The following SECTM1 variants were observed in gnomAD, a reference collection of about 807,000 sequenced individuals.
SECTM1 encodes the protein secreted and transmembrane protein 1.
Under a neutral mutation model 18.1 loss-of-function variants are expected in SECTM1, and 10 were observed. The ratio of observed to expected loss-of-function variants is 0.55; its 90% confidence interval spans 0.34 to 0.94. SECTM1 has a LOEUF of 0.94. Ranked by LOEUF, SECTM1 falls within the 40% of genes least tolerant of loss-of-function variation. SECTM1 has a pLI of 0.02. For missense variants in SECTM1, 297 were observed against 322.6 expected, an observed-to-expected ratio of 0.92 and a Z score of 0.61; for synonymous variants, 137 against 139.2, an observed-to-expected ratio of 0.98 and a Z score of 0.11.
intron 4 of SECTM1, 123 bp downstream of exon 4, chr17:82,322,755 C>T (rs1393558195): frequency 1.6e-5 from 20 of 1,229,614 alleles, no homozygotes; most frequent in East Asian, 2.5e-5. Flanking sequence ...TCTCTGGGAC[C>T]GGTGCTCCCC....
intron 1 of SECTM1, among the ~76,000 whole-genome samples, chr17:82,333,244 G>A (rs973020090): frequency 2.0e-5 from 3 of 152,240 alleles, no homozygotes; most frequent in African/African-American, 7.2e-5. Context: ...CGACGGCGCA[G>A]GGAACCCCGG....
chr17:82,327,047 G>T (rs2052152371), intron 2 of SECTM1, 100 bp downstream of exon 2: 2 of 856,192 alleles, frequency 2.3e-6, no homozygotes. Context: ...TCGGGGGTCT[G>T]GTGGCACCTG....
At chr17:82,327,727 C>T (rs2052158758) in intron 1 of SECTM1, among the ~76,000 whole-genome samples, 2 of 152,206 alleles carry the variant, frequency 1.3e-5, no homozygotes, top group South Asian at 2.1e-4. Context: ...ACCAATTTTC[C>T]GTCTACCTAG....
At chr17:82,323,586 C>T (rs2052117361) in intron 3 of SECTM1, among the ~76,000 whole-genome samples, 1 of 151,012 alleles carries the variant, frequency 6.6e-6, no homozygotes, top group South Asian at 2.1e-4. Flanking sequence ...CTAGAGGGGT[C>T]AGTGGCCCCG....
intron 3 of SECTM1, among the ~76,000 whole-genome samples, chr17:82,324,344 C>G (rs1176347555): frequency 3.3e-5 from 5 of 151,966 alleles, no homozygotes; most frequent in Non-Finnish European, 7.4e-5. Flanking sequence ...GGGGTCTGTG[C>G]CCCCTGAGCC....
chr17:82,323,887 A>T (rs4789685), intron 3 of SECTM1, among the ~76,000 whole-genome samples: 15 of 148,554 alleles, frequency 1.0e-4, no homozygotes, highest in Admixed American at 9.3e-4. Context: ...GTGGGGACAG[A>T]GAAGGGTCGG....
rs1350233498 is a variant in SECTM1 at position 82,321,185 on chromosome 17, C to G, written c.*976G>C. On this transcript the variant is annotated 3_prime_UTR_variant, in exon 5 of 5. Transcript: ENST00000269389. ...GGGGTCTCCACCTGGCTGGGGGCTC[C>G]CCCCCGTCTTCATCTCGAGGACGCC... 2 of 152,100 alleles carry G rather than the reference C, an allele frequency of 1.3e-5. No homozygotes were observed. Among genetic ancestry groups the G allele is most frequent in the Non-Finnish European group, 2.9e-5 (2 of 67,994 alleles). The allele number at this position is 152,100 out of a possible 1,614,324, so 9.4% of individuals were successfully genotyped here.
intron 1 of SECTM1, among the ~76,000 whole-genome samples, chr17:82,333,039 A>C (rs1337258339): frequency 1.3e-5 from 2 of 151,906 alleles, no homozygotes; most frequent in Non-Finnish European, 2.9e-5. Context: ...CCGCGTGAGA[A>C]CGGGCAGCTG....
chr17:82,324,556 C>A, intron 3 of SECTM1, 26 bp downstream of exon 3: 1 of 1,572,240 alleles, frequency 6.4e-7, no homozygotes, highest in South Asian at 1.1e-5. Context: ...CTCCCCTCCC[C>A]CTTGCTTCCC....
chr17:82,328,751 G>A lies in SECTM1; in HGVS notation c.-52-1459C>T, dbSNP rs143431173. Among the ~76,000 whole-genome samples the A allele has an allele frequency of 6.6e-6, 1 of 152,314 alleles. No homozygotes were observed. The highest frequency in any genetic ancestry group is 1.9e-4 in the East Asian group (1 of 5,186). ...CCCAGCAGGAGCCCTGGCAGGACAC[G>A]CCTTTCAGCCGAGAGAACTCCACCT... On this transcript the variant is annotated intron_variant, in intron 1 of 4. Transcript: ENST00000269389. The surrounding 1 kb of genome is among the most constrained non-coding windows in gnomAD (Gnocchi z 5.8).
At position 82,325,600 on chromosome 17, in the gene SECTM1, G is replaced by A. The variant is rs889759798; in HGVS notation, c.95-710C>T. ...GTCCTTGACACAAGCCGGCGTGTCA[G>A]TCTCTCTCTCCCGCCTCCTGGGTGA... On this transcript the variant is annotated intron_variant, in intron 2 of 4. Transcript: ENST00000269389. This position sits in a 1 kb window ranked among gnomAD's most constrained non-coding sequence, Gnocchi z 7.6. Among the ~76,000 whole-genome samples the A allele has an allele frequency of 6.6e-6, 1 of 152,222 alleles. No individual in the cohort carries two copies. The highest frequency in any genetic ancestry group is 1.5e-5 in the Non-Finnish European group (1 of 68,038).
chr17:82,333,227 G>C (rs915628136), intron 1 of SECTM1, among the ~76,000 whole-genome samples: 23 of 152,236 alleles, frequency 1.5e-4, no homozygotes, highest in Non-Finnish European at 3.2e-4. Flanking sequence ...TCCCAGCTTG[G>C]TCGCAGCGAC....
rs73999885 is a variant in SECTM1, at chr17:82,329,172, C to A, written c.-52-1880G>T. On this transcript the variant is annotated intron_variant, in intron 1 of 4. Coordinates refer to ENST00000269389, the MANE Select transcript of SECTM1 (RefSeq NM_003004.3). The surrounding 1 kb of genome is among the most constrained non-coding windows in gnomAD (Gnocchi z 7.6). ...GGCCTTCTCGTCCCATTGCCCCAAG[C>A]GCTCCAACCCCCTGTGAACATGCCT... 0.024 allele frequency: 3,585 copies of A among 152,424 alleles called. 152 individuals are homozygous for A. The highest frequency in any genetic ancestry group is 0.072 in the African/African-American group (2,974 of 41,492). The allele number at this position is 152,424 out of a possible 1,614,324, so 9.4% of individuals were successfully genotyped here.
At chr17:82,324,431 C>T (rs529471778) in intron 3 of SECTM1, 151 bp downstream of exon 3, 28 of 838,922 alleles carry the variant, frequency 3.3e-5, no homozygotes, top group Admixed American at 3.2e-4. Flanking sequence ...ACTCTCTACC[C>T]GCCAACCCTG....
In SECTM1 at chr17:82,322,333, G is replaced by T; in HGVS notation, c.575C>A (p.Ala192Glu). Residue 192 changes from alanine (A) to glutamate (E), a missense_variant, in exon 5 of 5, where the codon GCA becomes GAA. Ala to Glu is a moderately radical substitution (Grantham distance 107, BLOSUM62 -1). Coordinates refer to ENST00000269389, the MANE Select transcript of SECTM1 (RefSeq NM_003004.3). ...CTGCTGGGCTCCCGCTCTGAGGGCT[G>T]CGACCTTCATCTGGGGTTCTAGGAG... The part of the protein sequence containing the change: ...FFLLEPQMKV[A>E]ALRAGAQQGL... The T allele has an allele frequency of 6.2e-7, 1 of 1,613,696 alleles. No individual in the cohort carries two copies. The highest frequency in any genetic ancestry group is 8.5e-7 in the Non-Finnish European group (1 of 1,179,762).
Position 82,324,569 on chromosome 17 carries a change from A to G in SECTM1, c.403+13T>C. 1 of 1,066,588 alleles carries G rather than the reference A, an allele frequency of 9.4e-7. No homozygotes were observed. The highest frequency in any genetic ancestry group is 1.2e-6 in the Non-Finnish European group (1 of 858,008). The allele number at this position is 1,066,588 out of a possible 1,614,324, so 66.1% of individuals were successfully genotyped here. A position where few individuals can be genotyped will look rare whatever the true frequency, so the allele number is the denominator to read the frequency against. Reference sequence around the variant, plus strand: ...CACTCCCCTCCCCCTTGCTTCCCCGAGCCTCCCCTCACCTGAAACCTCCAG... The same window carrying G: ...CACTCCCCTCCCCCTTGCTTCCCCGGGCCTCCCCTCACCTGAAACCTCCAG... On this transcript the variant is annotated intron_variant, in intron 3 of 4. Transcript: ENST00000269389.
chr17:82,330,187 G>A lies in SECTM1; in HGVS notation c.-52-2895C>T, dbSNP rs1197785684. 6.6e-6 allele frequency among the ~76,000 whole-genome samples: 1 copy of A among 152,162 alleles called. No individual in the cohort carries two copies. Among genetic ancestry groups the A allele is most frequent in the Non-Finnish European group, 1.5e-5 (1 of 67,996 alleles). Reference sequence around the variant, plus strand: ...AACCGTGCAGATGGACAGCAGGGAGGGTCGGGGCTGCTGGGGGCTCCCCCA... The same window carrying A: ...AACCGTGCAGATGGACAGCAGGGAGAGTCGGGGCTGCTGGGGGCTCCCCCA... On this transcript the variant is annotated intron_variant, in intron 1 of 4. Coordinates refer to ENST00000269389, the MANE Select transcript of SECTM1 (RefSeq NM_003004.3). This position sits in a 1 kb window ranked among gnomAD's most constrained non-coding sequence, Gnocchi z 6.1.
Position 82,333,766 on chromosome 17 carries a change from G to T in SECTM1, c.-119C>A. 6.5e-6 allele frequency: 1 copy of T among 152,718 alleles called. No individual in the cohort carries two copies. The highest frequency in any genetic ancestry group is 2.0e-4 in the South Asian group (1 of 4,972). The allele number at this position is 152,718 out of a possible 1,614,324, so 9.5% of individuals were successfully genotyped here. On this transcript the variant is annotated 5_prime_UTR_variant, in exon 1 of 5. Transcript: ENST00000269389. Reference sequence around the variant, plus strand: ...CCGCGCCCCGGAGCCCCAGGAAAATGAAAGACACGAGAGGGAGGGGCCAGG... The same window carrying T: ...CCGCGCCCCGGAGCCCCAGGAAAATTAAAGACACGAGAGGGAGGGGCCAGG...
intron 3 of SECTM1, among the ~76,000 whole-genome samples, chr17:82,324,054 G>A (rs1238993968): frequency 6.6e-6 from 1 of 152,052 alleles, no homozygotes; most frequent in African/African-American, 2.4e-5. Context: ...CTGCGCGGGC[G>A]ACCTTGAGCA....
Sources: allele counts gnomAD v4.1 joint callset (sites outside exome capture counted in the v4.1 genomes callset), GRCh38; gene constraint gnomAD v4.1.1; non-coding constraint Gnocchi (gnomAD v3.1); transcripts MANE v1.5; gene names NCBI Gene and HGNC (gene_info 2026-07-23, HGNC 2026-07-21).